Variants in ZFHX3 observed in about 807,000 individuals in gnomAD.
ZFHX3 encodes the protein zinc finger homeobox protein 3.
Under a neutral mutation model 279.1 loss-of-function variants are expected in ZFHX3, and 42 were observed. The observed-to-expected ratio is 0.15, with a 90% confidence interval of 0.12 to 0.19. The LOEUF is 0.19. Ranked by LOEUF, ZFHX3 falls within the 10% of genes least tolerant of loss-of-function variation. ZFHX3 has a pLI of 1.00. For missense variants in ZFHX3, 4,981 were observed against 4,754.0 expected (o/e 1.05, Z -1.40); for synonymous variants, 2,293 against 1,957.8 (o/e 1.17, Z -4.52).
chr16:73,613,201 G>C (rs560194192), intron 2 of ZFHX3, among the ~76,000 whole-genome samples: 4 of 152,126 alleles, frequency 2.6e-5, no homozygotes, highest in African/African-American at 4.8e-5. Flanking sequence ...TCTATGGGTC[G>C]AAACAATTTC....
At chr16:73,574,677 C>G (rs748889234) in intron 2 of ZFHX3, among the ~76,000 whole-genome samples, 2 of 152,156 alleles carry the variant, frequency 1.3e-5, no homozygotes, top group Non-Finnish European at 1.5e-5. Flanking sequence ...TGGATTTCTA[C>G]GGCAGGTCTT....
intron 5 of ZFHX3, among the ~76,000 whole-genome samples, chr16:73,208,629 C>T (rs2011895314): frequency 6.6e-6 from 1 of 152,158 alleles, no homozygotes. Flanking sequence ...ACAATATGCT[C>T]TTATCCAGGC....
intron 3 of ZFHX3, among the ~76,000 whole-genome samples, chr16:73,393,419 A>T (rs2017060045): frequency 1.3e-5 from 2 of 152,168 alleles, no homozygotes; most frequent in Non-Finnish European, 2.9e-5. Flanking sequence ...CCTTTCCTCC[A>T]TACAAATGTT....
intron 5 of ZFHX3, among the ~76,000 whole-genome samples, chr16:73,154,781 AAGG>A (rs1967032560): frequency 6.6e-6 from 1 of 152,108 alleles, no homozygotes; most frequent in Admixed American, 6.6e-5. Flanking sequence ...TGGGTGAAGA[AAGG>A]AGGAGATGTT....
At chr16:73,181,171 G>A (rs1377188320) in intron 5 of ZFHX3, among the ~76,000 whole-genome samples, 1 of 151,476 alleles carries the variant, frequency 6.6e-6, no homozygotes, top group African/African-American at 2.4e-5. Context: ...TATAATCTCG[G>A]CTCACTGCAA....
intron 4 of ZFHX3, among the ~76,000 whole-genome samples, chr16:72,875,110 A>T (rs1180670126): frequency 6.6e-6 from 1 of 152,234 alleles, no homozygotes; most frequent in Non-Finnish European, 1.5e-5. Flanking sequence ...TTTAGTGCTC[A>T]TACAACTCTA....
At chr16:73,253,266 G>A (rs769064719) in intron 5 of ZFHX3, among the ~76,000 whole-genome samples, 1 of 152,136 alleles carries the variant, frequency 6.6e-6, no homozygotes, top group African/African-American at 2.4e-5. Flanking sequence ...ATGAGGGAAG[G>A]CTACGTCCAG....
At chr16:73,357,264 T>C (rs533895848) in intron 3 of ZFHX3, among the ~76,000 whole-genome samples, 1 of 152,058 alleles carries the variant, frequency 6.6e-6, no homozygotes, top group Non-Finnish European at 1.5e-5. Context: ...ACTGAAAATT[T>C]GGGGCATAAA....
At chr16:73,835,719 C>T (rs1046078348) in intron 1 of ZFHX3, among the ~76,000 whole-genome samples, 2 of 152,064 alleles carry the variant, frequency 1.3e-5, no homozygotes, top group African/African-American at 4.8e-5. Flanking sequence ...GATCCACCTG[C>T]CTCGGCCTTC....
intron 1 of ZFHX3, among the ~76,000 whole-genome samples, chr16:73,700,220 G>C (rs1427526999): frequency 1.3e-5 from 2 of 151,830 alleles, no homozygotes; most frequent in African/African-American, 4.8e-5. Flanking sequence ...GGGAGACTCT[G>C]TCTCAAAAAA....
chr16:73,538,997 C>T (rs201750525), intron 2 of ZFHX3, among the ~76,000 whole-genome samples: 3 of 152,034 alleles, frequency 2.0e-5, no homozygotes, highest in African/African-American at 7.3e-5. Context: ...GAGGTACGTG[C>T]GATGTGTCCC....
intron 7 of ZFHX3, chr16:73,127,119 A>G (rs1966582416): frequency 6.7e-6 from 2 of 299,996 alleles, no homozygotes; most frequent in East Asian, 9.4e-5. Context: ...AATTAGCCTG[A>G]AGTAAAAGTA....
chr16:73,429,095 G>C (rs1487574700), intron 3 of ZFHX3, among the ~76,000 whole-genome samples: 4 of 152,082 alleles, frequency 2.6e-5, no homozygotes, highest in Admixed American at 2.6e-4. Flanking sequence ...TTACACCTGG[G>C]GCAGGGCCCT....
At chr16:73,690,667 C>T (rs1028652868) in intron 1 of ZFHX3, among the ~76,000 whole-genome samples, 3 of 152,128 alleles carry the variant, frequency 2.0e-5, no homozygotes, top group African/African-American at 7.2e-5. Flanking sequence ...TGATGCAATT[C>T]GAAGCTTGAA....
chr16:73,470,052 A>G (rs1184605056), intron 2 of ZFHX3, among the ~76,000 whole-genome samples: 1 of 152,152 alleles, frequency 6.6e-6, no homozygotes, highest in African/African-American at 2.4e-5. Context: ...TAATGTGTAT[A>G]TTCATCACCT....
intron 1 of ZFHX3, among the ~76,000 whole-genome samples, chr16:73,035,865 C>T (rs1389351675): frequency 6.6e-6 from 1 of 152,228 alleles, no homozygotes; most frequent in Non-Finnish European, 1.5e-5. Context: ...GATTGTGCCA[C>T]TGGATTCCAG....
intron 5 of ZFHX3, among the ~76,000 whole-genome samples, chr16:73,193,780 G>A (rs1273068038): frequency 1.3e-5 from 2 of 152,154 alleles, no homozygotes; most frequent in Non-Finnish European, 2.9e-5. Flanking sequence ...TTGGGAAGCC[G>A]CCTGCCTCTC....
chr16:73,442,729 A>C (rs1597337154), intron 3 of ZFHX3, among the ~76,000 whole-genome samples: 1 of 152,206 alleles, frequency 6.6e-6, no homozygotes, highest in East Asian at 1.9e-4. Context: ...ATTTTTTGCC[A>C]AAAGGGCCAG....
chr16:73,105,318 CACAT>C (rs542885257), intron 7 of ZFHX3, among the ~76,000 whole-genome samples: 3,798 of 142,092 alleles, frequency 0.027, 105 homozygotes, highest in South Asian at 0.12. Flanking sequence ...TATATACACA[CACAT>C]ACACACACAC....
Sources: allele counts gnomAD v4.1 joint callset (sites outside exome capture counted in the v4.1 genomes callset), GRCh38; gene constraint gnomAD v4.1.1; transcripts MANE v1.5; gene names NCBI Gene and HGNC (gene_info 2026-07-23, HGNC 2026-07-21).